The following SCRG1 variants were observed in gnomAD, a reference collection of about 807,000 sequenced individuals.
SCRG1 encodes the protein scrapie-responsive protein 1.
A neutral mutation model predicts 7.7 loss-of-function variants in SCRG1; 3 were observed. That is an observed-to-expected ratio of 0.39 (90% CI 0.18 to 1.01). The LOEUF is 1.01. SCRG1 is among the 50% of genes least tolerant of loss of function. SCRG1 has a pLI of 0.36. For synonymous variants in SCRG1, 46 were observed against 41.2 expected (o/e 1.12, Z -0.44); for missense variants, 110 against 117.2 (o/e 0.94, Z 0.28).
chr4:173,436,218 G>A, the SCRG1 span, among the ~76,000 whole-genome samples: 2 of 152,186 alleles, frequency 1.3e-5, no homozygotes, highest in Non-Finnish European at 2.9e-5. Context: ...AAATCCACCA[G>A]GCGTGTGGCT....
chr4:173,426,089 CAG>C, the SCRG1 span, among the ~76,000 whole-genome samples: 1 of 152,304 alleles, frequency 6.6e-6, no homozygotes, highest in East Asian at 1.9e-4. Context: ...TTCAGAGAAA[CAG>C]TGGAAAAAAT....
chr4:173,412,146 C>T, the SCRG1 span, among the ~76,000 whole-genome samples: 1 of 152,114 alleles, frequency 6.6e-6, no homozygotes, highest in Non-Finnish European at 1.5e-5. Flanking sequence ...GTCCCAAGTC[C>T]CAAAACCACT....
At chr4:173,455,441 G>A in the SCRG1 span, among the ~76,000 whole-genome samples, 1 of 152,282 alleles carries the variant, frequency 6.6e-6, no homozygotes, top group East Asian at 1.9e-4. Flanking sequence ...GGGCATCGCA[G>A]TTGGTAGTCT....
At chr4:173,448,829 A>G in the SCRG1 span, among the ~76,000 whole-genome samples, 1 of 152,230 alleles carries the variant, frequency 6.6e-6, no homozygotes. Flanking sequence ...AGATAGTATT[A>G]AACCATTGAG....
chr4:173,453,828 G>A, the SCRG1 span, among the ~76,000 whole-genome samples: 1 of 152,190 alleles, frequency 6.6e-6, no homozygotes, highest in Non-Finnish European at 1.5e-5. Flanking sequence ...TGTAAACCCA[G>A]CACTTTGGGA....
the SCRG1 span, among the ~76,000 whole-genome samples, chr4:173,465,771 TCCTC>T: frequency 6.6e-6 from 1 of 152,088 alleles, no homozygotes; most frequent in Non-Finnish European, 1.5e-5. Flanking sequence ...TTTTTCTCCT[TCCTC>T]CCTCCGCTTC....
chr4:173,517,152 C>T, the SCRG1 span, among the ~76,000 whole-genome samples: 3 of 152,154 alleles, frequency 2.0e-5, no homozygotes, highest in Non-Finnish European at 4.4e-5. Flanking sequence ...CCCCGGGAGG[C>T]TCGGGGCTCG....
At chr4:173,436,385 T>C in the SCRG1 span, among the ~76,000 whole-genome samples, 1 of 152,220 alleles carries the variant, frequency 6.6e-6, no homozygotes, top group Non-Finnish European at 1.5e-5. Flanking sequence ...TCAGGACTGA[T>C]GCTCTTACCA....
At chr4:173,429,864 G>A in the SCRG1 span, among the ~76,000 whole-genome samples, 1 of 152,272 alleles carries the variant, frequency 6.6e-6, no homozygotes, top group South Asian at 2.1e-4. Context: ...TTGATTTCTA[G>A]CAATGTTGCC....
chr4:173,446,746 C>T, the SCRG1 span: 2 of 152,194 alleles, frequency 1.3e-5, no homozygotes, highest in Non-Finnish European at 2.9e-5. Context: ...AAATGAGAAG[C>T]ACATATAAAG....
the SCRG1 span, among the ~76,000 whole-genome samples, chr4:173,487,079 G>C: frequency 6.6e-6 from 1 of 152,198 alleles, no homozygotes. Flanking sequence ...CACCCTGAGA[G>C]AGTCTGCTTT....
the SCRG1 span, among the ~76,000 whole-genome samples, chr4:173,477,466 G>A: frequency 6.6e-6 from 1 of 151,988 alleles, no homozygotes; most frequent in Non-Finnish European, 1.5e-5. Context: ...GGGGTGCATC[G>A]ATTTAGCACA....
chr4:173,476,069 GTT>G, the SCRG1 span, among the ~76,000 whole-genome samples: 1 of 151,516 alleles, frequency 6.6e-6, no homozygotes, highest in Non-Finnish European at 1.5e-5. Context: ...TTTTAAAATG[GTT>G]AAAATGGTAA....
the SCRG1 span, among the ~76,000 whole-genome samples, chr4:173,421,266 C>T: frequency 6.6e-6 from 1 of 152,196 alleles, no homozygotes; most frequent in African/African-American, 2.4e-5. Flanking sequence ...GTGATAGCTA[C>T]TCTTCCATGT....
chr4:173,474,135 C>T, the SCRG1 span, among the ~76,000 whole-genome samples: 1 of 152,066 alleles, frequency 6.6e-6, no homozygotes. Flanking sequence ...CATGCCACTG[C>T]ACTCCAGCCT....
At chr4:173,406,376 A>C (rs1406590133) in exon 1 of SCRG1, 2 of 152,106 alleles carry the variant, frequency 1.3e-5, no homozygotes, top group Non-Finnish European at 2.9e-5. Flanking sequence ...CTTCCCCCTC[A>C]CTACGCCTTT....
the SCRG1 span, among the ~76,000 whole-genome samples, chr4:173,518,043 G>A: frequency 1.3e-5 from 2 of 152,388 alleles, no homozygotes; most frequent in Non-Finnish European, 1.5e-5. Context: ...GGCTGTGGGA[G>A]GAGGCTGCCC....
the SCRG1 span, among the ~76,000 whole-genome samples, chr4:173,424,579 A>G: frequency 6.6e-6 from 1 of 152,202 alleles, no homozygotes; most frequent in African/African-American, 2.4e-5. Context: ...ACCATACTAT[A>G]TGCAAGGCCA....
the SCRG1 span, among the ~76,000 whole-genome samples, chr4:173,509,720 A>AC: frequency 4.1e-5 from 6 of 147,280 alleles, no homozygotes; most frequent in African/African-American, 1.5e-4. This position sits in a 1 kb window ranked among gnomAD's most constrained non-coding sequence, Gnocchi z 5.7. Context: ...GCCCCTCCCC[A>AC]CCCCAGGGCC....
Sources: allele counts gnomAD v4.1 joint callset (sites outside exome capture counted in the v4.1 genomes callset), GRCh38; gene constraint gnomAD v4.1.1; non-coding constraint Gnocchi (gnomAD v3.1); transcripts MANE v1.5; gene names NCBI Gene and HGNC (gene_info 2026-07-23, HGNC 2026-07-21).